Variants in ATP8B2 observed in about 807,000 individuals in gnomAD.
ATP8B2 encodes the protein phospholipid-transporting ATPase ID.
In ATP8B2, 70 loss-of-function variants were observed where a neutral mutation model predicts 133.4. That is an observed-to-expected ratio of 0.52 (90% CI 0.43 to 0.64). ATP8B2 has a LOEUF of 0.64. ATP8B2 is among the 30% of genes least tolerant of loss of function. The pLI is 0.00. For missense variants in ATP8B2, 1,101 were observed against 1,535.7 expected (o/e 0.72, Z 4.73); for synonymous variants, 517 against 589.5 (o/e 0.88, Z 1.78).
Position 154,348,879 on chromosome 1 carries a change from CA to C in ATP8B2, c.3335del (p.Gln1112ArgfsTer38). On this transcript the variant is annotated frameshift_variant, in exon 28 of 28. Transcript: ENST00000368489. LOFTEE classifies it high-confidence loss of function. ...TQLVRKKQKAQHRCMRRVGRT... is the reference protein window; with the variant it reads ...TQLVRKKQKAXHRCMRRVGRT... ...GCTCGTGAGGAAGAAGCAGAAGGCC[CA>C]GCACCGCTGCATGCGGCGGGTTGGC... The C allele has an allele frequency of 6.2e-7, 1 of 1,612,736 alleles. No homozygotes were observed. Among genetic ancestry groups the C allele is most frequent in the Non-Finnish European group, 8.5e-7 (1 of 1,179,104 alleles).
At chr1:154,327,257 G>A (rs1685819815) in intron 1 of ATP8B2, among the ~76,000 whole-genome samples, 1 of 152,160 alleles carries the variant, frequency 6.6e-6, no homozygotes, top group South Asian at 2.1e-4. Flanking sequence ...TGACTGACTG[G>A]CAGTTTCCTT....
chr1:154,343,603 G>T lies in ATP8B2; in HGVS notation c.1758+35G>T, dbSNP rs779924578. The T allele has an allele frequency of 4.3e-5, 69 of 1,587,704 alleles. No individual in the cohort carries two copies. The highest frequency in any genetic ancestry group is 5.7e-5 in the Non-Finnish European group (66 of 1,156,932). On this transcript the variant is annotated intron_variant, in intron 17 of 27. Coordinates refer to ENST00000368489, the MANE Select transcript of ATP8B2 (RefSeq NM_001370597.1). The surrounding 1 kb of genome is among the most constrained non-coding windows in gnomAD (Gnocchi z 5.8). Reference sequence around the variant, plus strand: ...AGGAGAGGAGGGGCCAGCCTGGGGGGTTCTACTCTTAGTGTGGGGGAGGCG... The same window carrying T: ...AGGAGAGGAGGGGCCAGCCTGGGGGTTTCTACTCTTAGTGTGGGGGAGGCG...
chr1:154,349,169 C>A lies in ATP8B2; in HGVS notation c.*51C>A. 1 of 1,583,334 alleles carries A rather than the reference C, an allele frequency of 6.3e-7. No homozygotes were observed. On this transcript the variant is annotated 3_prime_UTR_variant, in exon 28 of 28. Coordinates refer to ENST00000368489, the MANE Select transcript of ATP8B2 (RefSeq NM_001370597.1). ...AGTGACCAGAGCACCCAGGGCTGGC[C>A]AGTCACTGAGGGAACAGCGTCTCGG...
In ATP8B2 at chr1:154,331,591, T is replaced by G; in HGVS notation, c.366-15T>G. The G allele has an allele frequency of 6.2e-7, 1 of 1,614,198 alleles. No individual in the cohort carries two copies. The highest frequency in any genetic ancestry group is 8.5e-7 in the Non-Finnish European group (1 of 1,180,014). On this transcript the variant is annotated splice_polypyrimidine_tract_variant and intron_variant, in intron 6 of 27. Coordinates refer to ENST00000368489, the MANE Select transcript of ATP8B2 (RefSeq NM_001370597.1). The surrounding 1 kb of genome is among the most constrained non-coding windows in gnomAD (Gnocchi z 4.8). ...AGCTCCTGACAGCCTCTTCACTGTC[T>G]TCTCGTTGCCTCAGCCTCCAGCAGG... is the stretch of plus-strand genomic sequence containing the variant.
chr1:154,334,215 G>A lies in ATP8B2; in HGVS notation c.698G>A (p.Gly233Asp). The change falls in exon 10 of 28, where the codon GGC becomes GAC. Residue 233 changes from glycine (G) to aspartate (D), a missense_variant. Coordinates refer to ENST00000368489, the MANE Select transcript of ATP8B2 (RefSeq NM_001370597.1). The surrounding 1 kb of genome is among the most constrained non-coding windows in gnomAD (Gnocchi z 4.6). ...AGCAACCAGAACATGCTGCTGCGGG[G>A]CTGTGTGCTGCGAAACACCGAGTGG... ...PLSNQNMLLRGCVLRNTEWCF... is the reference protein window; with the variant it reads ...PLSNQNMLLRDCVLRNTEWCF... The A allele has an allele frequency of 6.2e-7, 1 of 1,614,202 alleles. No individual in the cohort carries two copies.
chr1:154,327,101 C>G (rs867586664), intron 1 of ATP8B2, among the ~76,000 whole-genome samples: 1 of 152,210 alleles, frequency 6.6e-6, no homozygotes, highest in Non-Finnish European at 1.5e-5. Context: ...TGGCCAGAAT[C>G]TGTAATTATA....
At chr1:154,332,802 G>A in intron 9 of ATP8B2, 105 bp downstream of exon 9, 1 of 878,110 alleles carries the variant, frequency 1.1e-6, no homozygotes, top group Non-Finnish European at 1.8e-6. Context: ...TTGTTATTAT[G>A]CAACTCCCTG....
chr1:154,344,052 A>G lies in ATP8B2; in HGVS notation c.1918A>G (p.Met640Val), dbSNP rs1217810857. The G allele has an allele frequency of 3.7e-6, 6 of 1,614,004 alleles. No homozygotes were observed. Among genetic ancestry groups the G allele is most frequent in the Non-Finnish European group, 5.1e-6 (6 of 1,179,864 alleles). ...CATCTATGAGGAGGTTGAGAACAAC[A>G]TGATGGTACGGGCTGCGGGACGGGC... is the stretch of plus-strand genomic sequence containing the variant. ...ASIYEEVENN[M>V]MLLGATAIED... Residue 640 changes from methionine to valine, a missense_variant, in exon 18 of 28, where the codon ATG becomes GTG. By Grantham distance (21) the Met-to-Val change is conservative. Transcript: ENST00000368489. The surrounding 1 kb of genome is among the most constrained non-coding windows in gnomAD (Gnocchi z 4.1).
rs755495547 is a variant in ATP8B2 at position 154,344,416 on chromosome 1, A to G, written c.2057A>G (p.Tyr686Cys). The G allele has an allele frequency of 1.2e-6, 2 of 1,614,040 alleles. No individual in the cohort carries two copies. The highest frequency in any genetic ancestry group is 2.7e-5 in the African/African-American group (2 of 74,918). Reference sequence around the variant, plus strand: ...GTAGAGACGGCTGTGAACATCGGCTATTCCTGCAAGATGCTGACGGATGAC... The same window carrying G: ...GTAGAGACGGCTGTGAACATCGGCTGTTCCTGCAAGATGCTGACGGATGAC... ...DKQETAVNIGYSCKMLTDDMT... is the reference protein window; with the variant it reads ...DKQETAVNIGCSCKMLTDDMT... The change falls in exon 20 of 28, where the codon TAT (tyrosine) becomes TGT (cysteine). Residue 686 changes from tyrosine (Y) to cysteine (C), a missense_variant. Coordinates refer to ENST00000368489, the MANE Select transcript of ATP8B2 (RefSeq NM_001370597.1). This position sits in a 1 kb window ranked among gnomAD's most constrained non-coding sequence, Gnocchi z 4.1.
Position 154,332,615 on chromosome 1 carries a change from C to T in ATP8B2, c.510-3C>T, listed in dbSNP as rs1686033586. On this transcript the variant is annotated splice_region_variant and splice_polypyrimidine_tract_variant and intron_variant, in intron 8 of 27. Transcript: ENST00000368489. ...CGGGGACTCAGAGATACTGTCCTTC[C>T]AGCGAGACCAACATGAAAGTACGTC... The T allele has an allele frequency of 1.9e-6, 3 of 1,582,944 alleles. No individual in the cohort carries two copies. The highest frequency in any genetic ancestry group is 1.3e-5 in the African/African-American group (1 of 74,366).
rs1395712924 is a variant in ATP8B2, at chr1:154,342,521, G to C, written c.1285G>C (p.Glu429Gln). The change falls in exon 14 of 28, where the codon GAG becomes CAG. Residue 429 changes from glutamate to glutamine, a missense_variant and splice_region_variant. Glu to Gln is a conservative substitution (Grantham distance 29, BLOSUM62 2). Transcript: ENST00000368489. ...DVLGHKAELGERPEPVDFSFN... is the reference protein window; with the variant it reads ...DVLGHKAELGQRPEPVDFSFN... ...CCTGGGACACAAAGCTGAATTGGGA[G>C]AGGTAAGATTCAGTCTCCCTAATTC... 1 of 1,613,606 alleles carries C rather than the reference G, an allele frequency of 6.2e-7. No individual in the cohort carries two copies.
At chr1:154,339,499 C>T (rs1341750983) in intron 12 of ATP8B2, among the ~76,000 whole-genome samples, 1 of 152,210 alleles carries the variant, frequency 6.6e-6, no homozygotes, top group African/African-American at 2.4e-5. Flanking sequence ...TTCTGCATTA[C>T]TATTTAAATG....
In ATP8B2 at chr1:154,332,673, A is replaced by G. The variant is rs1305424590; in HGVS notation, c.565A>G (p.Ile189Val). ...AIPVTSELGDISKLAKFDGEV... is the reference protein window; with the variant it reads ...AIPVTSELGDVSKLAKFDGEV... ...TCCAGTCACCTCAGAATTGGGAGACATCAGTAAGCTTGCCAAGTTTGACGG... is the reference window on the plus strand; with the variant it reads ...TCCAGTCACCTCAGAATTGGGAGACGTCAGTAAGCTTGCCAAGTTTGACGG... The change falls in exon 9 of 28, where the codon ATC becomes GTC. Residue 189 changes from isoleucine (I) to valine (V), a missense_variant. By Grantham distance (29) the Ile-to-Val change is conservative. Transcript: ENST00000368489. 6.3e-7 allele frequency: 1 copy of G among 1,583,036 alleles called. No homozygotes were observed. Among genetic ancestry groups the G allele is most frequent in the Non-Finnish European group, 8.6e-7 (1 of 1,163,130 alleles).
In ATP8B2 at chr1:154,337,472, T is replaced by G; in HGVS notation, c.962T>G (p.Phe321Cys). 6.2e-7 allele frequency: 1 copy of G among 1,614,180 alleles called. No homozygotes were observed. Among genetic ancestry groups the G allele is most frequent in the Non-Finnish European group, 8.5e-7 (1 of 1,180,030 alleles). Reference sequence around the variant, plus strand: ...GATGAGGCAGTGGACAGTGCCTTCTTCTCTGGCTTCCTCTCCTTCTGGTCC... The same window carrying G: ...GATGAGGCAGTGGACAGTGCCTTCTGCTCTGGCTTCCTCTCCTTCTGGTCC... ...PWDEAVDSAF[F>C]SGFLSFWSYI... Residue 321 changes from phenylalanine to cysteine, a missense_variant, in exon 12 of 28, where the codon TTC becomes TGC. By Grantham distance (205) the Phe-to-Cys change is radical. Transcript: ENST00000368489.
rs1686711070 is a variant in ATP8B2 at position 154,349,367 on chromosome 1, C to T, written c.*249C>T. The T allele has an allele frequency of 3.7e-6, 2 of 541,650 alleles. No homozygotes were observed. The highest frequency in any genetic ancestry group is 5.5e-5 in the South Asian group (2 of 36,094). 33.6% of individuals were successfully genotyped at this position (541,650 alleles called of 1,614,324 possible). A position where few individuals can be genotyped will look rare whatever the true frequency, so the allele number is the denominator to read the frequency against. ...AGGCTGAGGCACGGGGAGCCAGCCC[C>T]ACTCGGGGACCAGAAGTGGAACCAA... On this transcript the variant is annotated 3_prime_UTR_variant, in exon 28 of 28. Transcript: ENST00000368489.
chr1:154,349,983 A>C lies in ATP8B2; in HGVS notation c.*865A>C, dbSNP rs903855105. ...TGCTGGCCTTGGGCTGGAGCCTAGG[A>C]AAGTGGCCCCCAAATCCTTAGTGAG... is the stretch of plus-strand genomic sequence containing the variant. On this transcript the variant is annotated 3_prime_UTR_variant, in exon 28 of 28. Transcript: ENST00000368489. 3.3e-5 allele frequency: 5 copies of C among 152,336 alleles called. No homozygotes were observed. Among genetic ancestry groups the C allele is most frequent in the African/African-American group, 1.2e-4 (5 of 41,452 alleles). 9.4% of individuals were successfully genotyped at this position (152,336 alleles called of 1,614,324 possible).
At chr1:154,337,725 T>G (rs372323561) in intron 12 of ATP8B2, 181 bp downstream of exon 12, 2 of 1,544,144 alleles carry the variant, frequency 1.3e-6, no homozygotes, top group Non-Finnish European at 1.7e-6. Context: ...CACAGTTTCC[T>G]GGTACTTGGG....
rs1371181098 is a variant in ATP8B2, at chr1:154,346,391, C to T, written c.2939C>T (p.Thr980Ile). 1.2e-5 allele frequency: 19 copies of T among 1,614,170 alleles called. No homozygotes were observed. The highest frequency in any genetic ancestry group is 9.9e-5 in the South Asian group (9 of 91,080). The change falls in exon 25 of 28, where the codon ACC (threonine) becomes ATC (isoleucine). Residue 980 changes from threonine (T) to isoleucine (I), a missense_variant. By Grantham distance (89) the Thr-to-Ile change is moderately conservative (BLOSUM62 -1). Transcript: ENST00000368489. This position sits in a 1 kb window ranked among gnomAD's most constrained non-coding sequence, Gnocchi z 4.5. Reference protein sequence around the residue: ...FIPYGVFADATRDDGTQLADY... With the variant: ...FIPYGVFADAIRDDGTQLADY... ...CCCTATGGGGTGTTTGCTGATGCCA[C>T]CCGGGATGATGGCACTCAGCTGGCT...
intron 12 of ATP8B2, among the ~76,000 whole-genome samples, chr1:154,339,770 G>C (rs1686313927): frequency 6.6e-6 from 1 of 152,176 alleles, no homozygotes; most frequent in African/African-American, 2.4e-5. Context: ...GGGAAGCAGG[G>C]CTCTCGATAG....
Sources: gnomAD v4.1 joint callset for allele counts (sites outside exome capture counted in the v4.1 genomes callset) on GRCh38, gnomAD v4.1.1 for gene constraint, Gnocchi (gnomAD v3.1) non-coding constraint, MANE v1.5 for transcripts, NCBI Gene and HGNC (gene_info 2026-07-23, HGNC 2026-07-21) for gene names.